The following B4GALT6 variants were observed in gnomAD, a reference collection of about 807,000 sequenced individuals.
B4GALT6 encodes UDP-Gal:beta-GlcNAc beta-1,4-galactosyltransferase 6.
B4GALT6 carries 14 observed loss-of-function variants against 46.3 expected under a neutral mutation model. That is an observed-to-expected ratio of 0.30 (90% CI 0.20 to 0.47). The LOEUF is 0.47. Ranked by LOEUF, B4GALT6 falls within the 20% of genes least tolerant of loss-of-function variation. The probability of loss-of-function intolerance (pLI) is 0.99; values close to 1 mark genes in which losing one functional copy is unlikely to be tolerated. For synonymous variants in B4GALT6, 168 were observed against 162.0 expected, an observed-to-expected ratio of 1.04 and a Z score of -0.28; for missense variants, 386 against 480.1, an observed-to-expected ratio of 0.80 and a Z score of 1.83.
intron 3 of B4GALT6, among the ~76,000 whole-genome samples, chr18:31,653,030 T>C (rs2074093860): frequency 6.6e-6 from 1 of 152,002 alleles, no homozygotes; most frequent in South Asian, 2.1e-4. Context: ...CTTTTTTTTT[T>C]TTTGCCCCTA....
chr18:31,723,802 G>T, the B4GALT6 span, among the ~76,000 whole-genome samples: 1 of 152,316 alleles, frequency 6.6e-6, no homozygotes, highest in Non-Finnish European at 1.5e-5. Flanking sequence ...CAGGTCAGTT[G>T]CTTTCCCTAT....
chr18:31,635,012 G>A (rs1598873260), intron 5 of B4GALT6, among the ~76,000 whole-genome samples: 1 of 152,278 alleles, frequency 6.6e-6, no homozygotes, highest in Non-Finnish European at 1.5e-5. Context: ...GGAGGCCGAG[G>A]AGGGTGGATC....
the B4GALT6 span, among the ~76,000 whole-genome samples, chr18:31,714,027 A>C: frequency 2.6e-5 from 4 of 152,356 alleles, no homozygotes; most frequent in South Asian, 8.3e-4. Flanking sequence ...GAAGCCCACA[A>C]ATTGCCAGCC....
intron 4 of B4GALT6, among the ~76,000 whole-genome samples, chr18:31,640,833 A>C (rs2073921296): frequency 6.6e-6 from 1 of 152,230 alleles, no homozygotes; most frequent in Non-Finnish European, 1.5e-5. Flanking sequence ...TGGCATATTC[A>C]AGGAATTCCC....
chr18:31,691,647 T>A, the B4GALT6 span, among the ~76,000 whole-genome samples: 1 of 152,126 alleles, frequency 6.6e-6, no homozygotes, highest in African/African-American at 2.4e-5. Flanking sequence ...CTCATAAGAT[T>A]TTCTCAGTCT....
At chr18:31,693,629 G>A in the B4GALT6 span, among the ~76,000 whole-genome samples, 2 of 152,038 alleles carry the variant, frequency 1.3e-5, no homozygotes, top group East Asian at 1.9e-4. Flanking sequence ...AAACTAATGT[G>A]AAGAAAGAAC....
chr18:31,713,255 C>T, the B4GALT6 span, among the ~76,000 whole-genome samples: 2 of 152,086 alleles, frequency 1.3e-5, no homozygotes, highest in African/African-American at 2.4e-5. Context: ...AGGAGGCCAA[C>T]GTGGGAGGAT....
chr18:31,639,358 C>T (rs921757199), intron 4 of B4GALT6, among the ~76,000 whole-genome samples: 10 of 152,120 alleles, frequency 6.6e-5, no homozygotes, highest in Admixed American at 3.3e-4. Context: ...AAAGACATTT[C>T]ACTTGAATAT....
At chr18:31,652,175 A>C (rs925454133) in intron 3 of B4GALT6, among the ~76,000 whole-genome samples, 6 of 151,584 alleles carry the variant, frequency 4.0e-5, no homozygotes, top group African/African-American at 7.3e-5. Flanking sequence ...CTTTACCCCA[A>C]TCTCCTTCCC....
At chr18:31,700,920 T>C in the B4GALT6 span, among the ~76,000 whole-genome samples, 1 of 152,096 alleles carries the variant, frequency 6.6e-6, no homozygotes, top group Admixed American at 6.6e-5. Flanking sequence ...GAGGGAGAAA[T>C]GGACCTTCAT....
rs149446724 is a variant in B4GALT6, at chr18:31,651,279, C to A, written c.347-5800G>T. ...CTAATAAACAGCACTAAAGAAAGCA[C>A]GTAAGCATATAGATTAATCCCATCA... On this transcript the variant is annotated intron_variant, in intron 3 of 8. Transcript: ENST00000306851. Among the ~76,000 whole-genome samples, 130 of 152,220 alleles carry A rather than the reference C, an allele frequency of 8.5e-4. 1 individual carries two copies. Among genetic ancestry groups the A allele is most frequent in the Admixed American group, 7.1e-3 (108 of 15,308 alleles).
chr18:31,636,713 G>A (rs2073863163), intron 5 of B4GALT6, among the ~76,000 whole-genome samples: 1 of 152,232 alleles, frequency 6.6e-6, no homozygotes, highest in South Asian at 2.1e-4. Context: ...CTGCTATGGA[G>A]AACTGGTCTT....
chr18:31,675,162 A>G (rs1431663355), intron 1 of B4GALT6, among the ~76,000 whole-genome samples: 1 of 152,236 alleles, frequency 6.6e-6, no homozygotes. Context: ...TGTCTTTACA[A>G]TTTCCACTCT....
Position 31,684,559 on chromosome 18 carries a change from G to A in B4GALT6, c.-133C>T. ...GGGGTCCGCGCGGGGAGGCTCTGGGGAGAGGGCCCGAGCGGAAAAGAGGAA... is the reference window on the plus strand; with the variant it reads ...GGGGTCCGCGCGGGGAGGCTCTGGGAAGAGGGCCCGAGCGGAAAAGAGGAA... On this transcript the variant is annotated 5_prime_UTR_variant, in exon 1 of 9. Transcript: ENST00000306851. The A allele has an allele frequency of 2.8e-6, 4 of 1,443,582 alleles. No homozygotes were observed. The highest frequency in any genetic ancestry group is 3.7e-6 in the Non-Finnish European group (4 of 1,094,842). The allele number at this position is 1,443,582 out of a possible 1,614,324, so 89.4% of individuals were successfully genotyped here. A position where few individuals can be genotyped will look rare whatever the true frequency, so the allele number is the denominator to read the frequency against.
At chr18:31,625,825 G>A (rs1598859097) in intron 8 of B4GALT6, 64 bp from the exon 9 acceptor site, 1 of 1,394,248 alleles carries the variant, frequency 7.2e-7, no homozygotes, top group East Asian at 2.4e-5. Flanking sequence ...AACTGATAAG[G>A]ACTGTGTTCA....
Position 31,684,446 on chromosome 18 carries a change from AGCCCAGGCT to A in B4GALT6, c.-29_-21del. The A allele has an allele frequency of 6.2e-7, 1 of 1,611,432 alleles. No individual in the cohort carries two copies. On this transcript the variant is annotated 5_prime_UTR_variant, in exon 1 of 9. Transcript: ENST00000306851. ...AGACATCTTCCTCTTCCCTGCCAGC[AGCCCAGGCT>A]GCGCTCTCAGGCCGGACTCGGGGCC...
At chr18:31,675,834 C>T (rs932914945) in intron 1 of B4GALT6, among the ~76,000 whole-genome samples, 1 of 152,042 alleles carries the variant, frequency 6.6e-6, no homozygotes, top group Non-Finnish European at 1.5e-5. Context: ...TATAAGTGTA[C>T]AGTATATAAG....
chr18:31,695,753 C>G, the B4GALT6 span, among the ~76,000 whole-genome samples: 1 of 152,212 alleles, frequency 6.6e-6, no homozygotes, highest in Non-Finnish European at 1.5e-5. Context: ...AGTGCAACTT[C>G]TTCCAACCAG....
chr18:31,653,144 C>T (rs1043739589), intron 3 of B4GALT6, among the ~76,000 whole-genome samples: 8 of 151,980 alleles, frequency 5.3e-5, no homozygotes, highest in African/African-American at 1.9e-4. Context: ...CTGAAGCTCA[C>T]CTCATGGATG....
Sources: allele counts gnomAD v4.1 joint callset (sites outside exome capture counted in the v4.1 genomes callset), GRCh38; gene constraint gnomAD v4.1.1; transcripts MANE v1.5; gene names NCBI Gene and HGNC (gene_info 2026-07-23, HGNC 2026-07-21).